AGBL1: variants seen among roughly 807,000 people sequenced by gnomAD.
AGBL1 encodes cytosolic carboxypeptidase 4.
Under a neutral mutation model 118.9 loss-of-function variants are expected in AGBL1, and 130 were observed. The observed-to-expected ratio is 1.09, with a 90% CI of 0.95 to 1.26. The LOEUF (loss-of-function observed/expected upper bound fraction) is 1.26. AGBL1 is among the 50% of genes most tolerant of loss of function. AGBL1 has a pLI of 0.00. For missense variants in AGBL1, 1,584 were observed against 1,298.1 expected (o/e 1.22, Z -3.38); for synonymous variants, 555 against 478.9 (o/e 1.16, Z -2.08).
chr15:86,419,163 G>A lies in AGBL1; in HGVS notation c.2555+21617G>A, dbSNP rs138450637. The stretch of plus-strand genomic sequence containing the variant: ...GTTAAACGGCAAAATTTGGGGGGTG[G>A]CTGGCAAGATGGCTGAATAGGAACA... On this transcript the variant is annotated intron_variant, in intron 18 of 22. Transcript: ENST00000614907. 3.2e-3 allele frequency among the ~76,000 whole-genome samples: 480 copies of A among 151,912 alleles called. 1 individual carries two copies. The highest frequency in any genetic ancestry group is 0.011 in the African/African-American group (453 of 41,462).
At chr15:86,922,776 C>T (rs573385776) in intron 23 of AGBL1, among the ~76,000 whole-genome samples, 2 of 152,076 alleles carry the variant, frequency 1.3e-5, no homozygotes, top group Non-Finnish European at 2.9e-5. Flanking sequence ...ATGAAACAAT[C>T]CAGGTGGAAA....
chr15:86,689,741 T>A (rs1286726118), intron 22 of AGBL1, among the ~76,000 whole-genome samples: 2 of 152,180 alleles, frequency 1.3e-5, no homozygotes, highest in African/African-American at 4.8e-5. Context: ...CCTTCCTGTA[T>A]AATGTGATAC....
intron 6 of AGBL1, among the ~76,000 whole-genome samples, chr15:86,226,929 G>C (rs1048043274): frequency 2.0e-5 from 3 of 152,204 alleles, no homozygotes; most frequent in African/African-American, 7.2e-5. Context: ...GCTTTTGAGG[G>C]AGAGAGTCAT....
intron 17 of AGBL1, among the ~76,000 whole-genome samples, chr15:86,347,027 G>T (rs899977917): frequency 1.3e-5 from 2 of 152,140 alleles, no homozygotes; most frequent in South Asian, 2.1e-4. Context: ...GCATCTGACG[G>T]TTTATTGAAT....
chr15:86,774,966 A>G (rs2078233858), intron 22 of AGBL1, among the ~76,000 whole-genome samples: 1 of 152,176 alleles, frequency 6.6e-6, no homozygotes, highest in Admixed American at 6.6e-5. Context: ...AAAGGAAGCA[A>G]ACTCATGTTT....
chr15:86,722,953 G>A (rs1159590270), intron 22 of AGBL1, among the ~76,000 whole-genome samples: 1 of 152,144 alleles, frequency 6.6e-6, no homozygotes, highest in Non-Finnish European at 1.5e-5. Context: ...ACCACAATGA[G>A]ATACCATCTC....
chr15:86,660,839 T>A (rs2085526580), intron 21 of AGBL1, among the ~76,000 whole-genome samples: 1 of 152,174 alleles, frequency 6.6e-6, no homozygotes, highest in Non-Finnish European at 1.5e-5. Context: ...TCTTCCTGTT[T>A]GTGTTTGTTC....
intron 24 of AGBL1, among the ~76,000 whole-genome samples, chr15:87,026,043 A>ACC (rs2081723052): frequency 6.6e-6 from 1 of 151,986 alleles, no homozygotes; most frequent in Admixed American, 6.6e-5. Flanking sequence ...AAGACCTGAA[A>ACC]ATTAAAATTC....
Position 86,266,300 on chromosome 15 carries a change from C to T in AGBL1, c.1668-74C>T. On this transcript the variant is annotated intron_variant, in intron 11 of 22. Coordinates refer to ENST00000614907, the MANE Select transcript of AGBL1 (RefSeq NM_001386094.1). ...TTTTCTGGTGACCCCCAAAGTTCTT[C>T]CCAGGTGATCACAGGATGAGTGAGC... 4.4e-6 allele frequency: 5 copies of T among 1,138,476 alleles called. No homozygotes were observed. The South Asian group carries it at 8.1e-5, about 19-fold the overall frequency. The allele number at this position is 1,138,476 out of a possible 1,614,324, so 70.5% of individuals were successfully genotyped here. A position where few individuals can be genotyped will look rare whatever the true frequency, so the allele number is the denominator to read the frequency against.
intron 22 of AGBL1, among the ~76,000 whole-genome samples, chr15:86,775,267 G>T (rs182593436): frequency 1.3e-5 from 2 of 152,250 alleles, no homozygotes; most frequent in East Asian, 1.9e-4. Flanking sequence ...TAGCAGGGTT[G>T]GGAGTAATAG....
chr15:86,408,858 A>T (rs1454742215), intron 18 of AGBL1, among the ~76,000 whole-genome samples: 2 of 152,136 alleles, frequency 1.3e-5, no homozygotes, highest in Non-Finnish European at 2.9e-5. Flanking sequence ...CTGAGGAACT[A>T]CAATTTTTCC....
At position 86,143,911 on chromosome 15, in the gene AGBL1, A is replaced by G. The variant is rs2076998663; in HGVS notation, c.262+66A>G. 5.1e-6 allele frequency: 8 copies of G among 1,556,916 alleles called. No individual in the cohort carries two copies. The South Asian group carries it at 7.2e-5, about 14-fold the overall frequency. On this transcript the variant is annotated intron_variant, in intron 3 of 22. Coordinates refer to ENST00000614907, the MANE Select transcript of AGBL1 (RefSeq NM_001386094.1). ...TTCTAGGGTTGTTATCATGAGTGCA[A>G]TTTGGGAAGCTTTGGTGGAGTAGCA...
At chr15:86,770,354 A>G (rs1199508980) in intron 22 of AGBL1, among the ~76,000 whole-genome samples, 2 of 151,918 alleles carry the variant, frequency 1.3e-5, no homozygotes, top group East Asian at 3.9e-4. Flanking sequence ...ATGTCTGGAC[A>G]CGGTTTTTTT....
At chr15:86,459,029 A>G (rs2080847694) in intron 18 of AGBL1, among the ~76,000 whole-genome samples, 1 of 152,170 alleles carries the variant, frequency 6.6e-6, no homozygotes, top group African/African-American at 2.4e-5. Context: ...CCTCGAATGA[A>G]CTACTGCTTC....
intron 21 of AGBL1, among the ~76,000 whole-genome samples, chr15:86,560,211 T>C (rs1413549595): frequency 6.6e-6 from 1 of 152,110 alleles, no homozygotes; most frequent in Non-Finnish European, 1.5e-5. Context: ...TACATATGTA[T>C]ACATGTGCCA....
chr15:86,155,384 T>C (rs1323155692), intron 4 of AGBL1, among the ~76,000 whole-genome samples: 1 of 152,116 alleles, frequency 6.6e-6, no homozygotes, highest in African/African-American at 2.4e-5. Context: ...CAGGAAGTCA[T>C]GGCTGCAGTG....
intron 5 of AGBL1, among the ~76,000 whole-genome samples, chr15:86,179,892 A>C (rs890348805): frequency 4.6e-5 from 7 of 152,176 alleles, no homozygotes; most frequent in African/African-American, 1.7e-4. Flanking sequence ...ATATTTCTAC[A>C]TAGTGCAACA....
intron 18 of AGBL1, among the ~76,000 whole-genome samples, chr15:86,399,494 C>T (rs1193372298): frequency 6.6e-6 from 1 of 152,118 alleles, no homozygotes; most frequent in Non-Finnish European, 1.5e-5. Flanking sequence ...TCATATGATT[C>T]GTTGGGAATT....
chr15:86,375,836 G>A (rs1462456593), intron 17 of AGBL1, among the ~76,000 whole-genome samples: 10 of 152,190 alleles, frequency 6.6e-5, no homozygotes, highest in African/African-American at 2.4e-4. Flanking sequence ...ATGGGTGAAG[G>A]AGAAGTGAAA....
Sources: gnomAD v4.1 joint callset for allele counts (sites outside exome capture counted in the v4.1 genomes callset) on GRCh38, gnomAD v4.1.1 for gene constraint, MANE v1.5 for transcripts, NCBI Gene and HGNC (gene_info 2026-07-23, HGNC 2026-07-21) for gene names.